The following SUGCT variants were observed in gnomAD, a reference collection of about 807,000 sequenced individuals.
The protein encoded by SUGCT is succinyl-CoA:glutarate CoA-transferase.
A neutral mutation model predicts 55.0 loss-of-function variants in SUGCT; 41 were observed. That is an observed-to-expected ratio of 0.74 (90% CI 0.58 to 0.97). The LOEUF (loss-of-function observed/expected upper bound fraction) is 0.97. SUGCT is among the 50% of genes least tolerant of loss of function. The pLI is 0.00. For synonymous variants in SUGCT, 187 were observed against 200.4 expected, an observed-to-expected ratio of 0.93 and a Z score of 0.56; for missense variants, 568 against 547.8, an observed-to-expected ratio of 1.04 and a Z score of -0.37.
At chr7:40,954,234 C>T in the SUGCT span, among the ~76,000 whole-genome samples, 4 of 152,236 alleles carry the variant, frequency 2.6e-5, no homozygotes, top group African/African-American at 4.8e-5. Flanking sequence ...GCTCTGTGGG[C>T]ATGGGACCCT....
the SUGCT span, among the ~76,000 whole-genome samples, chr7:40,956,041 T>G: frequency 1.3e-5 from 2 of 152,242 alleles, no homozygotes; most frequent in Non-Finnish European, 2.9e-5. Flanking sequence ...AATATTTTAT[T>G]GAGAATTTTT....
At chr7:40,912,019 T>G in the SUGCT span, among the ~76,000 whole-genome samples, 14 of 152,190 alleles carry the variant, frequency 9.2e-5, no homozygotes, top group Non-Finnish European at 1.8e-4. Context: ...TTCCCCAAGG[T>G]CTGGCGTTTC....
chr7:40,361,458 C>T lies in SUGCT; in HGVS notation c.816+44603C>T, dbSNP rs970321347. Reference sequence around the variant, plus strand: ...GCGTGGTGACGGGCACCTGTAGTCCCAGCTACTCGGGAGGCTGAGGCAGGA... The same window carrying T: ...GCGTGGTGACGGGCACCTGTAGTCCTAGCTACTCGGGAGGCTGAGGCAGGA... On this transcript the variant is annotated intron_variant, in intron 9 of 13. Coordinates refer to ENST00000335693, the MANE Select transcript of SUGCT (RefSeq NM_001193313.2). 3.8e-4 allele frequency among the ~76,000 whole-genome samples: 57 copies of T among 151,694 alleles called. 1 individual carries two copies. Among genetic ancestry groups the T allele is most frequent in the African/African-American group, 1.3e-3 (55 of 41,268 alleles).
chr7:40,815,889 G>C (rs1160665461), intron 13 of SUGCT, among the ~76,000 whole-genome samples: 1 of 152,192 alleles, frequency 6.6e-6, no homozygotes, highest in Admixed American at 6.5e-5. Flanking sequence ...GCCCAGGAAG[G>C]GTGGTGCGGC....
chr7:40,648,178 G>A (rs1800616088), intron 12 of SUGCT, among the ~76,000 whole-genome samples: 1 of 152,056 alleles, frequency 6.6e-6, no homozygotes, highest in African/African-American at 2.4e-5. Context: ...AGTCAATGAT[G>A]ATTAATATTT....
At chr7:40,267,526 A>G (rs367935675) in intron 7 of SUGCT, among the ~76,000 whole-genome samples, 2 of 152,280 alleles carry the variant, frequency 1.3e-5, no homozygotes, top group Middle Eastern at 3.4e-3. Context: ...TTTACTAAAG[A>G]TTTTGAGTAA....
chr7:40,932,686 C>G, the SUGCT span, among the ~76,000 whole-genome samples: 4 of 151,038 alleles, frequency 2.6e-5, no homozygotes, highest in East Asian at 7.8e-4. Context: ...TAATGGCCTT[C>G]TTTGTCTCTT....
intron 9 of SUGCT, among the ~76,000 whole-genome samples, chr7:40,338,327 AT>A (rs1171097470): frequency 1.3e-5 from 2 of 152,142 alleles, no homozygotes; most frequent in Non-Finnish European, 2.9e-5. Context: ...CTCCTGGATA[AT>A]ATCCTGCAGA....
At chr7:40,448,950 GTATA>G (rs1244847873) in intron 9 of SUGCT, among the ~76,000 whole-genome samples, 2,253 of 141,970 alleles carry the variant, frequency 0.016, 38 homozygotes, top group Middle Eastern at 0.05. Flanking sequence ...GTGTGTGTGT[GTATA>G]TATATATAGA....
chr7:40,961,055 CAT>C, the SUGCT span, among the ~76,000 whole-genome samples: 1 of 152,254 alleles, frequency 6.6e-6, no homozygotes, highest in African/African-American at 2.4e-5. Flanking sequence ...TACACATACA[CAT>C]GATATTAGAA....
At chr7:40,236,442 C>A (rs866227196) in intron 6 of SUGCT, among the ~76,000 whole-genome samples, 65 of 89,990 alleles carry the variant, frequency 7.2e-4, no homozygotes, top group African/African-American at 1.1e-3. Context: ...TTTCTGATGG[C>A]AAAAAAAAAA....
chr7:40,341,169 A>G (rs940553817), intron 9 of SUGCT, among the ~76,000 whole-genome samples: 1 of 152,208 alleles, frequency 6.6e-6, no homozygotes, highest in South Asian at 2.1e-4. Flanking sequence ...TTGACTGTTG[A>G]ATCTCATTCA....
At chr7:40,964,372 C>T in the SUGCT span, among the ~76,000 whole-genome samples, 9 of 152,174 alleles carry the variant, frequency 5.9e-5, no homozygotes, top group Non-Finnish European at 1.2e-4. Context: ...ATCAGAAATA[C>T]ACTCCATCTT....
intron 12 of SUGCT, among the ~76,000 whole-genome samples, chr7:40,625,729 C>G (rs2151799644): frequency 6.6e-6 from 1 of 152,298 alleles, no homozygotes; most frequent in Non-Finnish European, 1.5e-5. Context: ...CCAGCCCCTG[C>G]AACATTAACA....
intron 6 of SUGCT, among the ~76,000 whole-genome samples, chr7:40,232,241 C>G (rs1452678999): frequency 6.6e-6 from 1 of 152,164 alleles, no homozygotes; most frequent in Non-Finnish European, 1.5e-5. Flanking sequence ...AAGTGAAAGC[C>G]TCATCCTGAG....
chr7:40,245,450 T>TTTTTTTTTTA (rs1789797264), intron 7 of SUGCT, among the ~76,000 whole-genome samples: 1 of 82,790 alleles, frequency 1.2e-5, no homozygotes, highest in Non-Finnish European at 2.2e-5. Flanking sequence ...TTTTTTTTTT[T>TTTTTTTTTTA]TTTTTTTGAG....
rs537382011 is a variant in SUGCT at position 40,188,963 on chromosome 7, G to A, written c.312+383G>A. Among the ~76,000 whole-genome samples the A allele has an allele frequency of 2.0e-5, 3 of 152,256 alleles. No individual in the cohort carries two copies. In the East Asian group the frequency reaches 5.8e-4, roughly 29 times the overall value. On this transcript the variant is annotated intron_variant, in intron 4 of 13. Coordinates refer to ENST00000335693, the MANE Select transcript of SUGCT (RefSeq NM_001193313.2). ...TATATCCTCATGGTAAATAGAATCA[G>A]TAAAGATGATTTAAATATTTCTTCA...
chr7:40,743,582 T>C (rs1471179420), intron 12 of SUGCT, among the ~76,000 whole-genome samples: 1 of 152,226 alleles, frequency 6.6e-6, no homozygotes, highest in African/African-American at 2.4e-5. Flanking sequence ...GACCTTGAGT[T>C]TTCTGTGACC....
chr7:40,242,182 T>C (rs938230334), intron 7 of SUGCT, among the ~76,000 whole-genome samples: 2 of 151,732 alleles, frequency 1.3e-5, no homozygotes, highest in African/African-American at 4.8e-5. Context: ...CTTTTCTTTT[T>C]TTTTTTTCAG....
Sources: gnomAD v4.1 joint callset for allele counts (sites outside exome capture counted in the v4.1 genomes callset) on GRCh38, gnomAD v4.1.1 for gene constraint, MANE v1.5 for transcripts, NCBI Gene and HGNC (gene_info 2026-07-23, HGNC 2026-07-21) for gene names.